EPB41L4A: variants seen among roughly 807,000 people sequenced by gnomAD.
The protein encoded by EPB41L4A is band 4.1-like protein 4A.
Under a neutral mutation model 108.6 loss-of-function variants are expected in EPB41L4A, and 100 were observed. That is an observed-to-expected ratio of 0.92 (90% CI 0.78 to 1.09). The LOEUF (loss-of-function observed/expected upper bound fraction) is 1.09. Ranked by LOEUF, EPB41L4A falls within the 50% of genes least tolerant of loss-of-function variation. The pLI is 0.00. For missense variants in EPB41L4A, 1,030 were observed against 842.7 expected (o/e 1.22, Z -2.75); for synonymous variants, 319 against 289.0 (o/e 1.10, Z -1.05).
intron 2 of EPB41L4A, among the ~76,000 whole-genome samples, chr5:112,282,670 C>T (rs1753042752): frequency 6.6e-6 from 1 of 152,124 alleles, no homozygotes; most frequent in Admixed American, 6.5e-5. Context: ...CTCCAGGTGT[C>T]AAGGCACATG....
At chr5:112,255,141 G>C (rs1750984608) in intron 9 of EPB41L4A, among the ~76,000 whole-genome samples, 2 of 151,890 alleles carry the variant, frequency 1.3e-5, no homozygotes, top group Admixed American at 1.3e-4. Context: ...TTCACGGTGG[G>C]TGTCATCCTG....
intron 2 of EPB41L4A, among the ~76,000 whole-genome samples, chr5:112,306,436 T>A (rs1198840661): frequency 6.6e-6 from 1 of 152,006 alleles, no homozygotes; most frequent in Non-Finnish European, 1.5e-5. Context: ...ACAGAAAAGA[T>A]TAAGGAACCA....
In EPB41L4A at chr5:112,386,152, AGACATAAC is replaced by A. The variant is rs1204593604; in HGVS notation, c.99+32781_99+32788del. Among the ~76,000 whole-genome samples, 4 of 152,350 alleles carry A rather than the reference AGACATAAC, an allele frequency of 2.6e-5. No individual in the cohort carries two copies. The East Asian group carries it at 5.8e-4, about 22-fold the overall frequency. ...TTAATAAGCACAGCTGTTTGTACTG[AGACATAAC>A]GAAGGCATTATCACCCACTGAGGGG... On this transcript the variant is annotated intron_variant, in intron 1 of 22. Coordinates refer to ENST00000261486, the MANE Select transcript of EPB41L4A (RefSeq NM_022140.5).
chr5:112,336,738 G>C (rs1471175348), intron 1 of EPB41L4A, among the ~76,000 whole-genome samples: 1 of 152,198 alleles, frequency 6.6e-6, no homozygotes, highest in Non-Finnish European at 1.5e-5. Context: ...TACAAGGTCA[G>C]AAAGCTAGAA....
At chr5:112,312,101 G>A (rs1362802439) in intron 1 of EPB41L4A, among the ~76,000 whole-genome samples, 1 of 152,098 alleles carries the variant, frequency 6.6e-6, no homozygotes, top group Non-Finnish European at 1.5e-5. Context: ...AAATGTTAGG[G>A]TTTTCAAATA....
chr5:112,311,703 C>T (rs921063367), intron 1 of EPB41L4A, among the ~76,000 whole-genome samples: 1 of 152,216 alleles, frequency 6.6e-6, no homozygotes, highest in East Asian at 1.9e-4. Flanking sequence ...GTGAGTGAGA[C>T]TCTGTCTCTT....
chr5:112,244,345 C>A (rs765588199), intron 9 of EPB41L4A, among the ~76,000 whole-genome samples: 1 of 152,186 alleles, frequency 6.6e-6, no homozygotes, highest in Non-Finnish European at 1.5e-5. Context: ...TCACTGATCA[C>A]AGATCACTAT....
chr5:112,293,644 T>C (rs762358985), intron 2 of EPB41L4A, among the ~76,000 whole-genome samples: 10 of 152,158 alleles, frequency 6.6e-5, no homozygotes, highest in Non-Finnish European at 1.2e-4. Context: ...CGTGTCAAAA[T>C]CAACAAACTG....
intron 2 of EPB41L4A, among the ~76,000 whole-genome samples, chr5:112,289,659 A>C (rs951446068): frequency 6.6e-6 from 1 of 152,192 alleles, no homozygotes; most frequent in Non-Finnish European, 1.5e-5. Context: ...GTCCACAAGT[A>C]GGTGCTCCAT....
At chr5:112,353,688 G>C (rs1738371706) in intron 1 of EPB41L4A, among the ~76,000 whole-genome samples, 1 of 152,180 alleles carries the variant, frequency 6.6e-6, no homozygotes, top group African/African-American at 2.4e-5. Context: ...GGGCAGGCCT[G>C]TCTTCAGGCC....
chr5:112,392,016 G>A (rs527802182), intron 1 of EPB41L4A, among the ~76,000 whole-genome samples: 2 of 152,212 alleles, frequency 1.3e-5, no homozygotes, highest in Admixed American at 6.5e-5. Flanking sequence ...TTACAGACAA[G>A]CAAATGCTGA....
At chr5:112,205,663 C>T (rs17134242) in intron 13 of EPB41L4A, among the ~76,000 whole-genome samples, 159 bp from the exon 14 acceptor site, 5 of 152,158 alleles carry the variant, frequency 3.3e-5, no homozygotes, top group African/African-American at 1.2e-4. Context: ...GAAGTCGCTG[C>T]CCATAAAATC....
intron 1 of EPB41L4A, among the ~76,000 whole-genome samples, chr5:112,398,438 G>C (rs1169669670): frequency 6.6e-6 from 1 of 152,112 alleles, no homozygotes; most frequent in Non-Finnish European, 1.5e-5. Flanking sequence ...GTCCAGGCTG[G>C]AGTGCAGTGG....
intron 1 of EPB41L4A, among the ~76,000 whole-genome samples, chr5:112,318,031 T>TA (rs1755541613): frequency 6.6e-6 from 1 of 152,212 alleles, no homozygotes; most frequent in Non-Finnish European, 1.5e-5. Flanking sequence ...TTCTGATTCT[T>TA]AGATACCTGG....
intron 1 of EPB41L4A, among the ~76,000 whole-genome samples, chr5:112,309,895 A>G (rs1754938976): frequency 6.6e-6 from 1 of 152,184 alleles, no homozygotes; most frequent in Non-Finnish European, 1.5e-5. Context: ...ACCTGAGGGG[A>G]GCCCCCAGCT....
chr5:112,168,685 C>G, intron 22 of EPB41L4A, 54 bp downstream of exon 22: 4 of 1,435,886 alleles, frequency 2.8e-6, no homozygotes, highest in South Asian at 1.2e-5. Flanking sequence ...GCACAAAATG[C>G]TTCTCAAAAT....
At chr5:112,340,639 A>G (rs137923292) in intron 1 of EPB41L4A, among the ~76,000 whole-genome samples, 3 of 152,356 alleles carry the variant, frequency 2.0e-5, no homozygotes, top group Non-Finnish European at 2.9e-5. Context: ...AAATGGATGT[A>G]TAATAGCATA....
chr5:112,148,216 AGT>A (rs1759338868), intron 12 of EPB41L4A, among the ~76,000 whole-genome samples: 147 of 146,554 alleles, frequency 1.0e-3, no homozygotes, highest in African/African-American at 3.4e-3. Flanking sequence ...ATAATAATAT[AGT>A]TTAGTAGTAT....
intron 1 of EPB41L4A, among the ~76,000 whole-genome samples, chr5:112,367,044 C>A (rs1014464491): frequency 1.3e-5 from 2 of 152,176 alleles, no homozygotes; most frequent in Non-Finnish European, 2.9e-5. Context: ...ACCTTTGAGC[C>A]TGACTCTGGC....
Sources: gnomAD v4.1 joint callset for allele counts (sites outside exome capture counted in the v4.1 genomes callset) on GRCh38, gnomAD v4.1.1 for gene constraint, MANE v1.5 for transcripts, NCBI Gene and HGNC (gene_info 2026-07-23, HGNC 2026-07-21) for gene names.